Variants in ASB1 observed in about 807,000 individuals in gnomAD.
The protein encoded by ASB1 is ankyrin repeat and SOCS box containing 1.
ASB1 carries 18 observed loss-of-function variants against 27.7 expected under a neutral mutation model. That is an observed-to-expected ratio of 0.65 (90% CI 0.45 to 0.96). The LOEUF (loss-of-function observed/expected upper bound fraction) is 0.96, where lower values mean the gene tolerates loss of function less well. ASB1 is among the 50% of genes least tolerant of loss of function. ASB1 has a pLI of 0.00. For synonymous variants in ASB1, 189 were observed against 187.6 expected (o/e 1.01, Z -0.06); for missense variants, 397 against 451.7 (o/e 0.88, Z 1.10).
intron 1 of ASB1, among the ~76,000 whole-genome samples, chr2:238,430,929 C>T (rs1701860118): frequency 6.6e-6 from 1 of 152,246 alleles, no homozygotes; most frequent in African/African-American, 2.4e-5. Flanking sequence ...GTGCTGCCAC[C>T]TGGGCTTTGT....
intron 3 of ASB1, among the ~76,000 whole-genome samples, chr2:238,438,531 G>A (rs990819815): frequency 2.6e-5 from 4 of 152,172 alleles, no homozygotes; most frequent in Non-Finnish European, 4.4e-5. Flanking sequence ...ACGTTACTAA[G>A]ACATCTTACT....
Position 238,428,842 on chromosome 2 carries a change from G to T in ASB1, c.49+1723G>T, listed in dbSNP as rs927042185. On this transcript the variant is annotated intron_variant, in intron 1 of 4. Transcript: ENST00000264607. ...GATAGCACAGAGGCCAGCAGAGGGG[G>T]CCCAGAAGAGGGCTCAGCAAAAGTC... 2.6e-5 allele frequency among the ~76,000 whole-genome samples: 4 copies of T among 152,166 alleles called. No individual in the cohort carries two copies. In the South Asian group the frequency reaches 8.3e-4, roughly 32 times the overall value.
intron 2 of ASB1, 129 bp from the exon 3 acceptor site, chr2:238,435,582 G>C: frequency 1.1e-6 from 1 of 951,410 alleles, no homozygotes; most frequent in Non-Finnish European, 1.5e-6. Flanking sequence ...ATTTCAGAAG[G>C]CAGAGCCCAG....
Position 238,447,666 on chromosome 2 carries a change from C to T in ASB1, c.*1155C>T, listed in dbSNP as rs894224512. On this transcript the variant is annotated 3_prime_UTR_variant, in exon 5 of 5. Transcript: ENST00000264607. Reference sequence around the variant, plus strand: ...CTGCTGTTTCCAGTGAATCACATTTCGTCATTTGAAGCCCATGAGGACCAT... The same window carrying T: ...CTGCTGTTTCCAGTGAATCACATTTTGTCATTTGAAGCCCATGAGGACCAT... 3.3e-5 allele frequency: 5 copies of T among 152,246 alleles called. No homozygotes were observed. Among genetic ancestry groups the T allele is most frequent in the East Asian group, 1.9e-4 (1 of 5,198 alleles). The allele number at this position is 152,246 out of a possible 1,614,324, so 9.4% of individuals were successfully genotyped here. A position where few individuals can be genotyped will look rare whatever the true frequency, so the allele number is the denominator to read the frequency against.
In ASB1 at chr2:238,448,628, C is replaced by A. The variant is rs190854394; in HGVS notation, c.*2117C>A. On this transcript the variant is annotated 3_prime_UTR_variant, in exon 5 of 5. Transcript: ENST00000264607. Reference sequence around the variant, plus strand: ...TGCAGGGGCCTGTTAAGGACGAGGCCTCCCCAGCCCTGCCCGGTGCAGGAG... The same window carrying A: ...TGCAGGGGCCTGTTAAGGACGAGGCATCCCCAGCCCTGCCCGGTGCAGGAG... 1 of 152,312 alleles carries A rather than the reference C, an allele frequency of 6.6e-6. No homozygotes were observed. Among genetic ancestry groups the A allele is most frequent in the African/African-American group, 2.4e-5 (1 of 41,454 alleles). 9.4% of individuals were successfully genotyped at this position (152,312 alleles called of 1,614,324 possible).
intron 3 of ASB1, among the ~76,000 whole-genome samples, chr2:238,442,595 A>C (rs960687302): frequency 1.3e-5 from 2 of 152,176 alleles, no homozygotes; most frequent in African/African-American, 4.8e-5. Flanking sequence ...TTTCATGTTA[A>C]AAACATTTTA....
Position 238,428,398 on chromosome 2 carries a change from C to T in ASB1, c.49+1279C>T, listed in dbSNP as rs144147270. Among the ~76,000 whole-genome samples the T allele has an allele frequency of 4.9e-4, 75 of 152,308 alleles. No homozygotes were observed. In the South Asian group the frequency reaches 7.0e-3, roughly 14 times the overall value. ...CTCCGCCTCGGGGGTTCAAGCGATG[C>T]TCTGGCCTCAGCCTCCCTAGTAGCT... On this transcript the variant is annotated intron_variant, in intron 1 of 4. Coordinates refer to ENST00000264607, the MANE Select transcript of ASB1 (RefSeq NM_001040445.3).
rs1221485540 is a variant in ASB1, at chr2:238,451,540, G to C, written c.*5029G>C. On this transcript the variant is annotated 3_prime_UTR_variant, in exon 5 of 5. Transcript: ENST00000264607. The stretch of plus-strand genomic sequence containing the variant: ...TGAGGCATGACTTGGAGGGGGGCCT[G>C]GTGCCTGGGGACCTGCTGAAGAGAA... 2.0e-5 allele frequency: 3 copies of C among 152,866 alleles called. No individual in the cohort carries two copies. Among genetic ancestry groups the C allele is most frequent in the East Asian group, 3.8e-4 (2 of 5,202 alleles). 9.5% of individuals were successfully genotyped at this position (152,866 alleles called of 1,614,324 possible).
At chr2:238,437,562 C>CTT (rs5839700) in intron 3 of ASB1, among the ~76,000 whole-genome samples, 100 of 149,218 alleles carry the variant, frequency 6.7e-4, no homozygotes, top group Middle Eastern at 3.4e-3. Flanking sequence ...TAACGGTTGC[C>CTT]TTTTTTTTTT....
intron 1 of ASB1, among the ~76,000 whole-genome samples, chr2:238,431,303 C>T (rs1238432643): frequency 6.6e-6 from 1 of 152,252 alleles, no homozygotes; most frequent in Non-Finnish European, 1.5e-5. Context: ...CTGCTACCTT[C>T]ACTCTTTGCT....
rs917769600 is a variant in ASB1 at position 238,449,200 on chromosome 2, G to C, written c.*2689G>C. ...AGTGGCATTGCCTTCCTTCACTAAA[G>C]CTCCCTTTTTTTTCTGTTGGCAAGG... On this transcript the variant is annotated 3_prime_UTR_variant, in exon 5 of 5. Transcript: ENST00000264607. 1.3e-5 allele frequency: 2 copies of C among 152,186 alleles called. No individual in the cohort carries two copies. The highest frequency in any genetic ancestry group is 4.8e-5 in the African/African-American group (2 of 41,388). The allele number at this position is 152,186 out of a possible 1,614,324, so 9.4% of individuals were successfully genotyped here. A position where few individuals can be genotyped will look rare whatever the true frequency, so the allele number is the denominator to read the frequency against.
rs1344588465 is a variant in ASB1 at position 238,449,890 on chromosome 2, A to G, written c.*3379A>G. The G allele has an allele frequency of 6.6e-6, 1 of 152,240 alleles. No individual in the cohort carries two copies. The highest frequency in any genetic ancestry group is 1.5e-5 in the Non-Finnish European group (1 of 68,038). The allele number at this position is 152,240 out of a possible 1,614,324, so 9.4% of individuals were successfully genotyped here. On this transcript the variant is annotated 3_prime_UTR_variant, in exon 5 of 5. Transcript: ENST00000264607. ...GAGAGGAAGATACAGCAGACATAGG[A>G]CTGAGCCAAGGAAGAGTCTGCCTGA...
chr2:238,438,319 C>G (rs996019808), intron 3 of ASB1, among the ~76,000 whole-genome samples: 1 of 150,520 alleles, frequency 6.6e-6, no homozygotes, highest in African/African-American at 2.5e-5. Flanking sequence ...CCTGCCTCAG[C>G]CTCCCAAGTA....
chr2:238,444,119 TC>T (rs1261648531), intron 3 of ASB1, among the ~76,000 whole-genome samples: 3 of 152,244 alleles, frequency 2.0e-5, no homozygotes, highest in Non-Finnish European at 4.4e-5. Context: ...TTGAAGGACT[TC>T]CCTTAGGAAT....
chr2:238,428,650 C>A (rs1701809137), intron 1 of ASB1, among the ~76,000 whole-genome samples: 1 of 152,174 alleles, frequency 6.6e-6, no homozygotes, highest in Admixed American at 6.5e-5. Flanking sequence ...CAGTGTGTTT[C>A]GGCCTCGGGT....
At chr2:238,441,064 A>G (rs1190303079) in intron 3 of ASB1, among the ~76,000 whole-genome samples, 4 of 151,838 alleles carry the variant, frequency 2.6e-5, no homozygotes, top group South Asian at 4.2e-4. Context: ...GAAAAGAAAG[A>G]TGTCCTAGTG....
rs756669847 is a variant in ASB1 at position 238,435,864 on chromosome 2, G to A, written c.345G>A (p.Leu115=). The A allele has an allele frequency of 1.9e-6, 3 of 1,614,134 alleles. No individual in the cohort carries two copies. In the African/African-American group the frequency reaches 4.0e-5, roughly 22 times the overall value. The change falls in exon 3 of 5, where the codon CTG becomes CTA. Residue 115 remains leucine, a synonymous_variant. Transcript: ENST00000264607. ...DLVDVKGQTA[L]YVAVVNGHLE... ...TGGACGTAAAAGGACAGACGGCCCT[G>A]TATGTGGCTGTGGTGAACGGGCACC...
At chr2:238,442,314 G>A (rs1173012977) in intron 3 of ASB1, among the ~76,000 whole-genome samples, 1 of 152,018 alleles carries the variant, frequency 6.6e-6, no homozygotes, top group Non-Finnish European at 1.5e-5. Context: ...GTTTCGTCAT[G>A]TTGGCCAGGC....
At chr2:238,433,725 G>T in intron 2 of ASB1, 30 bp downstream of exon 2, 1 of 1,611,114 alleles carries the variant, frequency 6.2e-7, no homozygotes, top group South Asian at 1.1e-5. Flanking sequence ...GCTGGTCCGG[G>T]TACTAGGGCC....
Sources: allele counts gnomAD v4.1 joint callset (sites outside exome capture counted in the v4.1 genomes callset), GRCh38; gene constraint gnomAD v4.1.1; transcripts MANE v1.5; gene names NCBI Gene and HGNC (gene_info 2026-07-23, HGNC 2026-07-21).